Variants in TLE4 observed in about 807,000 individuals in gnomAD.
TLE4 encodes the protein TLE family member 4, transcriptional corepressor.
Under a neutral mutation model 92.8 loss-of-function variants are expected in TLE4, and 8 were observed. The observed-to-expected ratio is 0.09, with a 90% CI of 0.05 to 0.16. The LOEUF is 0.16. Ranked by LOEUF, TLE4 falls within the 10% of genes least tolerant of loss-of-function variation. The pLI is 1.00. For synonymous variants in TLE4, 371 were observed against 374.1 expected, an observed-to-expected ratio of 0.99 and a Z score of 0.10; for missense variants, 675 against 997.6, an observed-to-expected ratio of 0.68 and a Z score of 4.36.
chr9:79,629,057 A>G (rs1017667741), intron 6 of TLE4, among the ~76,000 whole-genome samples: 1 of 152,102 alleles, frequency 6.6e-6, no homozygotes, highest in Non-Finnish European at 1.5e-5. Flanking sequence ...TACCATGGAG[A>G]GAATGTGCAG....
chr9:79,671,926 A>T (rs1262982318), intron 8 of TLE4, among the ~76,000 whole-genome samples: 4 of 92,080 alleles, frequency 4.3e-5, no homozygotes, highest in East Asian at 2.7e-4. Flanking sequence ...TTTCTCCGTT[A>T]AAAAAAAAAA....
chr9:79,627,967 A>C (rs1287487248), intron 6 of TLE4, among the ~76,000 whole-genome samples: 3 of 152,318 alleles, frequency 2.0e-5, no homozygotes, highest in African/African-American at 7.2e-5. Flanking sequence ...TTTTAAAAAA[A>C]TCAGTGGCCC....
chr9:79,578,414 T>G (rs1197800506), intron 4 of TLE4, among the ~76,000 whole-genome samples: 1 of 152,238 alleles, frequency 6.6e-6, no homozygotes, highest in Non-Finnish European at 1.5e-5. Context: ...TCTTCTTGGC[T>G]GCTGCTAGCC....
At chr9:79,644,800 T>G (rs2057821709) in intron 6 of TLE4, among the ~76,000 whole-genome samples, 1 of 152,204 alleles carries the variant, frequency 6.6e-6, no homozygotes, top group Admixed American at 6.5e-5. Context: ...AGTCTTCCCT[T>G]ACTTCTCTCC....
intron 5 of TLE4, among the ~76,000 whole-genome samples, chr9:79,616,099 C>T (rs531214669): frequency 3.9e-5 from 6 of 152,252 alleles, no homozygotes; most frequent in Admixed American, 2.6e-4. Flanking sequence ...AGGTGGTAAA[C>T]GGGAAGCTCT....
chr9:79,573,383 T>G, intron 1 of TLE4: 1 of 1,164,338 alleles, frequency 8.6e-7, no homozygotes, highest in Non-Finnish European at 1.1e-6. Flanking sequence ...GAGGAGGGAG[T>G]GGGCGCGGCG....
At chr9:79,606,059 G>A (rs779795427) in intron 4 of TLE4, among the ~76,000 whole-genome samples, 2 of 151,910 alleles carry the variant, frequency 1.3e-5, no homozygotes, top group Non-Finnish European at 2.9e-5. Context: ...AAGTAGGATG[G>A]GCAGAGCTTT....
At chr9:79,713,366 AG>A (rs2073802923) in intron 14 of TLE4, among the ~76,000 whole-genome samples, 1 of 152,230 alleles carries the variant, frequency 6.6e-6, no homozygotes. Context: ...GTTATGTCAG[AG>A]AGTCCAAGCC....
chr9:79,723,110 G>T lies in TLE4; in HGVS notation c.2214+75G>T, dbSNP rs2075891964. 2.1e-6 allele frequency: 3 copies of T among 1,404,290 alleles called. No individual in the cohort carries two copies. In the South Asian group the frequency reaches 3.5e-5, roughly 17 times the overall value. 87.0% of individuals were successfully genotyped at this position (1,404,290 alleles called of 1,614,324 possible). On this transcript the variant is annotated intron_variant, in intron 19 of 19. Transcript: ENST00000376552. Reference sequence around the variant, plus strand: ...CTGTGCATTCTCTCAGATTAATAATGTGCAGAAGTGTCCTGGGAGGTCAGA... The same window carrying T: ...CTGTGCATTCTCTCAGATTAATAATTTGCAGAAGTGTCCTGGGAGGTCAGA...
intron 14 of TLE4, among the ~76,000 whole-genome samples, chr9:79,714,713 A>G (rs1169307981): frequency 6.6e-6 from 1 of 152,244 alleles, no homozygotes; most frequent in Non-Finnish European, 1.5e-5. Flanking sequence ...CTAGATTGTT[A>G]GTCACTTGTG....
intron 6 of TLE4, among the ~76,000 whole-genome samples, chr9:79,647,581 G>A (rs2058287582): frequency 6.6e-6 from 1 of 152,022 alleles, no homozygotes; most frequent in African/African-American, 2.4e-5. Flanking sequence ...AAATTCAAAA[G>A]CTTGAAACAT....
At chr9:79,579,426 T>C (rs1479590271) in intron 4 of TLE4, among the ~76,000 whole-genome samples, 2 of 152,190 alleles carry the variant, frequency 1.3e-5, no homozygotes, top group East Asian at 3.9e-4. Flanking sequence ...TTAGGAACAG[T>C]AGGTATGTGA....
chr9:79,572,840 G>A lies in TLE4; in HGVS notation c.45+5G>A. The A allele has an allele frequency of 1.9e-6, 3 of 1,593,104 alleles. No individual in the cohort carries two copies. The highest frequency in any genetic ancestry group is 2.6e-6 in the Non-Finnish European group (3 of 1,170,822). The stretch of plus-strand genomic sequence containing the variant: ...TACCCGCAGACCAGACACCCAGTGA[G>A]TGCGGGCGGCGGGGCGCGGGCTCGC... On this transcript the variant is annotated splice_donor_5th_base_variant and intron_variant, in intron 1 of 19. Transcript: ENST00000376552.
chr9:79,608,247 C>T (rs2047555566), intron 4 of TLE4, among the ~76,000 whole-genome samples: 1 of 151,922 alleles, frequency 6.6e-6, no homozygotes, highest in Admixed American at 6.6e-5. Context: ...TATATTTAGT[C>T]TGGATTTTAA....
At chr9:79,716,595 G>C (rs1461597827) in intron 14 of TLE4, among the ~76,000 whole-genome samples, 1 of 152,204 alleles carries the variant, frequency 6.6e-6, no homozygotes, top group Non-Finnish European at 1.5e-5. Context: ...GGAAGTATTT[G>C]CTGAATAAAT....
At chr9:79,585,275 G>A (rs951220580) in intron 4 of TLE4, among the ~76,000 whole-genome samples, 3 of 152,084 alleles carry the variant, frequency 2.0e-5, no homozygotes, top group Admixed American at 6.5e-5. Flanking sequence ...TCCATTTTAC[G>A]TATGTTGGGG....
At chr9:79,679,312 C>G (rs1298765998) in intron 8 of TLE4, among the ~76,000 whole-genome samples, 1 of 152,164 alleles carries the variant, frequency 6.6e-6, no homozygotes, top group Non-Finnish European at 1.5e-5. Flanking sequence ...GATCGCCATT[C>G]TAACTGGTGT....
At chr9:79,685,282 C>T (rs1207936717) in intron 8 of TLE4, among the ~76,000 whole-genome samples, 2 of 152,104 alleles carry the variant, frequency 1.3e-5, no homozygotes, top group Non-Finnish European at 2.9e-5. Flanking sequence ...TGAAAACATG[C>T]CCGTTGTTCT....
At chr9:79,717,467 C>T (rs1371084885) in intron 14 of TLE4, among the ~76,000 whole-genome samples, 1 of 152,180 alleles carries the variant, frequency 6.6e-6, no homozygotes, top group African/African-American at 2.4e-5. Context: ...CTATGTTCTT[C>T]TACAACGCTC....
Sources: gnomAD v4.1 joint callset for allele counts (sites outside exome capture counted in the v4.1 genomes callset) on GRCh38, gnomAD v4.1.1 for gene constraint, MANE v1.5 for transcripts, NCBI Gene and HGNC (gene_info 2026-07-23, HGNC 2026-07-21) for gene names.